Variants in SHANK2 observed in about 807,000 individuals in gnomAD.
SHANK2 encodes SH3 and multiple ankyrin repeat domains protein 2.
A neutral mutation model predicts 133.7 loss-of-function variants in SHANK2; 43 were observed. The ratio of observed to expected loss-of-function variants is 0.32; its 90% CI spans 0.25 to 0.41. The LOEUF is 0.41. Among genes scored for constraint, SHANK2 ranks in the 10% least tolerant of loss-of-function variants. The pLI is 1.00. For synonymous variants in SHANK2, 1,017 were observed against 952.8 expected (o/e 1.07, Z -1.24); for missense variants, 1,994 against 2,235.8 (o/e 0.89, Z 2.18).
At chr11:70,521,604 A>G (rs2059330962) in intron 17 of SHANK2, among the ~76,000 whole-genome samples, 1 of 152,234 alleles carries the variant, frequency 6.6e-6, no homozygotes, top group Non-Finnish European at 1.5e-5. Flanking sequence ...TTCCATTAAA[A>G]AGGAGAAATG....
chr11:70,535,558 G>A lies in SHANK2; in HGVS notation c.2062-32627C>T, dbSNP rs981630993. ...CATCAGTCTATTCATCTGTCTGTTC[G>A]TCCATCTCCCCGTCCTTCTGTCTGC... On this transcript the variant is annotated intron_variant, in intron 17 of 25. Coordinates refer to ENST00000601538, the MANE Select transcript of SHANK2 (RefSeq NM_012309.5). This position sits in a 1 kb window ranked among gnomAD's most constrained non-coding sequence, Gnocchi z 4.3. Among the ~76,000 whole-genome samples, 25 of 152,130 alleles carry A rather than the reference G, an allele frequency of 1.6e-4. No homozygotes were observed. Among genetic ancestry groups the A allele is most frequent in the African/African-American group, 5.3e-4 (22 of 41,398 alleles).
chr11:70,508,641 C>A (rs1222531603), intron 17 of SHANK2, among the ~76,000 whole-genome samples: 1 of 152,110 alleles, frequency 6.6e-6, no homozygotes, highest in Admixed American at 6.6e-5. Flanking sequence ...ACTTGTAATC[C>A]CAGCACTCCG....
At chr11:70,684,340 T>C (rs1465961316) in intron 15 of SHANK2, among the ~76,000 whole-genome samples, 6 of 152,048 alleles carry the variant, frequency 3.9e-5, no homozygotes, top group African/African-American at 1.2e-4. Flanking sequence ...GAGGATTGCT[T>C]GAGGCCAGGA....
At chr11:70,879,712 GC>G (rs1159668741) in intron 11 of SHANK2, among the ~76,000 whole-genome samples, 3 of 152,228 alleles carry the variant, frequency 2.0e-5, no homozygotes, top group Non-Finnish European at 2.9e-5. Flanking sequence ...GCCATGCGGG[GC>G]CCCCCTCCCA....
intron 15 of SHANK2, chr11:70,662,302 CGCCG>C (rs1944570061): frequency 6.0e-6 from 1 of 165,978 alleles, no homozygotes; most frequent in Non-Finnish European, 1.3e-5. Context: ...CCCGTCCCGG[CGCCG>C]GCGGTGTGCG....
At chr11:70,648,330 G>GA (rs1252853746) in intron 17 of SHANK2, among the ~76,000 whole-genome samples, 57 of 150,002 alleles carry the variant, frequency 3.8e-4, no homozygotes, top group Middle Eastern at 3.4e-3. Context: ...ATACCCAAGT[G>GA]AAAAAAAAAG....
At chr11:70,694,912 G>A (rs1275988222) in intron 15 of SHANK2, among the ~76,000 whole-genome samples, 3 of 152,104 alleles carry the variant, frequency 2.0e-5, no homozygotes, top group South Asian at 2.1e-4. Flanking sequence ...AGCACTGCCT[G>A]TCCCCCTGTC....
chr11:70,697,566 G>A (rs1325670535), intron 15 of SHANK2, among the ~76,000 whole-genome samples: 4 of 152,212 alleles, frequency 2.6e-5, no homozygotes, highest in African/African-American at 4.8e-5. Context: ...TATCGTAAAC[G>A]TACTAACTGC....
rs144004521 is a variant in SHANK2, at chr11:70,947,132, AACACACACACACAC to A, written c.1108-50579_1108-50566del. On this transcript the variant is annotated intron_variant, in intron 10 of 25. Transcript: ENST00000601538. ...GGTGAAATTCTTGAGGCACCTCTCC[AACACACACACACAC>A]ACACACACACACACACACACACACA... Among the ~76,000 whole-genome samples, 343 of 126,578 alleles carry A rather than the reference AACACACACACACAC, an allele frequency of 2.7e-3. 1 individual carries two copies. Among genetic ancestry groups the A allele is most frequent in the South Asian group, 0.012 (39 of 3,236 alleles). 83.0% of individuals were successfully genotyped at this position (126,578 alleles called of 152,430 possible). A position where few individuals can be genotyped will look rare whatever the true frequency, so the allele number is the denominator to read the frequency against.
At chr11:70,908,571 G>C (rs1397291469) in intron 10 of SHANK2, among the ~76,000 whole-genome samples, 1 of 152,194 alleles carries the variant, frequency 6.6e-6, no homozygotes, top group Admixed American at 6.5e-5. Context: ...CCTTCTGGTT[G>C]ACCTTGTCCT....
rs1043152426 is a variant in SHANK2, at chr11:71,081,972, A to G, written c.913-6697T>C. On this transcript the variant is annotated intron_variant, in intron 8 of 25. Transcript: ENST00000601538. ...TGGAGGTGCTCATCTGGAAAGGTGC[A>G]GTACCTGCCAGCACCCACGTCCCAC... Among the ~76,000 whole-genome samples the G allele has an allele frequency of 4.1e-3, 620 of 152,338 alleles. 3 individuals carry two copies. Among genetic ancestry groups the G allele is most frequent in the African/African-American group, 0.015 (603 of 41,582 alleles).
intron 17 of SHANK2, among the ~76,000 whole-genome samples, chr11:70,602,075 G>A (rs1385273833): frequency 6.6e-6 from 1 of 152,220 alleles, no homozygotes; most frequent in Non-Finnish European, 1.5e-5. Context: ...TTGCAATAGT[G>A]AGTGAGTTCT....
chr11:70,934,803 A>G (rs1950549426), intron 10 of SHANK2, among the ~76,000 whole-genome samples: 1 of 152,224 alleles, frequency 6.6e-6, no homozygotes, highest in Admixed American at 6.5e-5. Flanking sequence ...CCCAGAGACC[A>G]GTGTGGCCGT....
chr11:70,494,201 C>A (rs1478955163), intron 21 of SHANK2, among the ~76,000 whole-genome samples: 2 of 152,194 alleles, frequency 1.3e-5, no homozygotes, highest in African/African-American at 2.4e-5. Flanking sequence ...ACTCTGACAC[C>A]TATGGACACT....
chr11:70,587,549 T>A (rs545571989), intron 17 of SHANK2, among the ~76,000 whole-genome samples: 1 of 152,236 alleles, frequency 6.6e-6, no homozygotes, highest in South Asian at 2.1e-4. Context: ...CAAAATGGTA[T>A]GGAACAGCGA....
At chr11:71,223,426 C>A (rs1180425289) in intron 2 of SHANK2, among the ~76,000 whole-genome samples, 1 of 152,184 alleles carries the variant, frequency 6.6e-6, no homozygotes, top group East Asian at 1.9e-4. Flanking sequence ...TGCATCTGTA[C>A]CGAACATGTA....
chr11:70,934,961 G>A (rs1176874298), intron 10 of SHANK2, among the ~76,000 whole-genome samples: 3 of 152,146 alleles, frequency 2.0e-5, no homozygotes, highest in South Asian at 2.1e-4. Context: ...GAGAAGGGAC[G>A]GGGCAGGTCT....
chr11:71,194,523 A>T (rs1953858702), intron 2 of SHANK2, among the ~76,000 whole-genome samples: 1 of 152,174 alleles, frequency 6.6e-6, no homozygotes, highest in Non-Finnish European at 1.5e-5. Flanking sequence ...GCTGGATCCA[A>T]AGAGCAGGTG....
At chr11:71,114,412 G>C (rs924589399) in intron 4 of SHANK2, among the ~76,000 whole-genome samples, 1 of 152,140 alleles carries the variant, frequency 6.6e-6, no homozygotes, top group Non-Finnish European at 1.5e-5. Context: ...ACTGAAAGTC[G>C]CATCTCACAG....
Sources: allele counts gnomAD v4.1 joint callset (sites outside exome capture counted in the v4.1 genomes callset), GRCh38; gene constraint gnomAD v4.1.1; non-coding constraint Gnocchi (gnomAD v3.1); transcripts MANE v1.5; gene names NCBI Gene and HGNC (gene_info 2026-07-23, HGNC 2026-07-21).